GLI2: variants seen among roughly 807,000 people sequenced by gnomAD.
The protein encoded by GLI2 is transcription activator GLI2.
Under a neutral mutation model 78.9 loss-of-function variants are expected in GLI2, and 22 were observed. The ratio of observed to expected loss-of-function variants is 0.28; its 90% CI spans 0.20 to 0.40. The LOEUF (loss-of-function observed/expected upper bound fraction) is 0.40, where lower values mean the gene tolerates loss of function less well. Ranked by LOEUF, GLI2 falls within the 10% of genes least tolerant of loss-of-function variation. The probability of loss-of-function intolerance (pLI) is 1.00; values close to 1 mark genes in which losing one functional copy is unlikely to be tolerated. For missense variants in GLI2, 2,097 were observed against 2,213.2 expected (o/e 0.95, Z 1.05); for synonymous variants, 974 against 963.7 (o/e 1.01, Z -0.20).
chr2:120,898,672 G>A (rs991755399), intron 2 of GLI2, among the ~76,000 whole-genome samples: 1 of 152,104 alleles, frequency 6.6e-6, no homozygotes, highest in Non-Finnish European at 1.5e-5. Flanking sequence ...GGATTCTGTT[G>A]GTTTCTAGTC....
intron 1 of GLI2, among the ~76,000 whole-genome samples, chr2:120,762,055 G>A (rs916664186): frequency 2.0e-5 from 3 of 152,196 alleles, no homozygotes; most frequent in East Asian, 1.9e-4. Flanking sequence ...CCACGGAGCC[G>A]GGCAGTTCTG....
At chr2:120,987,508 A>C (rs1484908366) in intron 13 of GLI2, among the ~76,000 whole-genome samples, 2 of 152,200 alleles carry the variant, frequency 1.3e-5, no homozygotes, top group Admixed American at 1.3e-4. Flanking sequence ...CTGAAGAGCC[A>C]TTGGGGGTCC....
intron 2 of GLI2, among the ~76,000 whole-genome samples, chr2:120,807,917 G>C (rs553459040): frequency 3.9e-5 from 6 of 152,168 alleles, no homozygotes; most frequent in African/African-American, 1.4e-4. Context: ...TGGGCAGGGT[G>C]GGGAGGGAGC....
At position 120,906,835 on chromosome 2, in the gene GLI2, G is replaced by A. The variant is rs1466706211; in HGVS notation, c.149-20526G>A. Among the ~76,000 whole-genome samples, 13 of 152,156 alleles carry A rather than the reference G, an allele frequency of 8.5e-5. No homozygotes were observed. In the South Asian group the frequency reaches 1.0e-3, roughly 12 times the overall value. ...TGACTCGCCCTCCCTGCATCCCCGC[G>A]TGGCAGAGTCCTGCTGGCCCTGCAT... On this transcript the variant is annotated intron_variant, in intron 2 of 13. Coordinates refer to ENST00000361492, the MANE Select transcript of GLI2 (RefSeq NM_001374353.1).
intron 1 of GLI2, among the ~76,000 whole-genome samples, chr2:120,768,254 C>T (rs1186340951): frequency 6.6e-6 from 1 of 152,206 alleles, no homozygotes; most frequent in Non-Finnish European, 1.5e-5. Flanking sequence ...TTCACAGCTG[C>T]CCTATGCGGT....
intron 3 of GLI2, among the ~76,000 whole-genome samples, chr2:120,936,977 C>T (rs1420601697): frequency 6.6e-6 from 1 of 152,182 alleles, no homozygotes; most frequent in African/African-American, 2.4e-5. Flanking sequence ...CTGCAGCCAG[C>T]ACTGATGGTA....
chr2:120,869,833 ACCC>A (rs1207169807), intron 2 of GLI2, among the ~76,000 whole-genome samples: 3 of 151,872 alleles, frequency 2.0e-5, no homozygotes, highest in African/African-American at 7.3e-5. Flanking sequence ...GTCAAAGGAC[ACCC>A]CCTCCTGAGC....
At chr2:120,963,264 A>G (rs949041749) in intron 5 of GLI2, among the ~76,000 whole-genome samples, 1 of 152,202 alleles carries the variant, frequency 6.6e-6, no homozygotes. Flanking sequence ...TTTAGGCACT[A>G]TTCTTGGCAT....
intron 6 of GLI2, 65 bp downstream of exon 6, chr2:120,968,980 G>A (rs1460092619): frequency 2.6e-5 from 34 of 1,323,350 alleles, no homozygotes; most frequent in South Asian, 1.1e-4. Flanking sequence ...GTGGGGAGGC[G>A]CTGGCTTTTC....
intron 1 of GLI2, among the ~76,000 whole-genome samples, chr2:120,775,265 G>A (rs1349884879): frequency 1.3e-5 from 2 of 152,190 alleles, no homozygotes; most frequent in Non-Finnish European, 2.9e-5. Context: ...TGAGATGCAC[G>A]CTGCTTAAGC....
chr2:120,983,629 C>T (rs1174113655), intron 11 of GLI2, among the ~76,000 whole-genome samples: 2 of 152,220 alleles, frequency 1.3e-5, no homozygotes, highest in African/African-American at 4.8e-5. Context: ...GCCTCTGTCT[C>T]CCTGGGTAGG....
At chr2:120,984,835 G>A (rs1573730481) in intron 12 of GLI2, 92 bp downstream of exon 12, 3 of 1,366,528 alleles carry the variant, frequency 2.2e-6, no homozygotes, top group East Asian at 4.7e-5. Flanking sequence ...CTGCCCTAAG[G>A]CCCCCCTCTA....
At chr2:120,796,460 A>G (rs1400292969) in intron 1 of GLI2, among the ~76,000 whole-genome samples, 1 of 152,004 alleles carries the variant, frequency 6.6e-6, no homozygotes, top group Admixed American at 6.6e-5. Context: ...TGATGCCTGC[A>G]CTTCCCTTCT....
rs372563328 is a variant in GLI2, at chr2:120,989,630, C to G, written c.3665C>G (p.Thr1222Ser). 1 of 1,613,320 alleles carries G rather than the reference C, an allele frequency of 6.2e-7. No individual in the cohort carries two copies. The highest frequency in any genetic ancestry group is 8.5e-7 in the Non-Finnish European group (1 of 1,179,964). Reference sequence around the variant, plus strand: ...GGCAGCCAGTGTCCTGGCATGACTACCACTATGAGCCCCCATGCCTGCTAT... The same window carrying G: ...GGCAGCCAGTGTCCTGGCATGACTAGCACTATGAGCCCCCATGCCTGCTAT... Reference protein sequence around the residue: ...VAGSQCPGMTTTMSPHACYGQ... With the variant: ...VAGSQCPGMTSTMSPHACYGQ... Residue 1222 changes from threonine (T) to serine (S), a missense_variant, in exon 14 of 14, where the codon ACC becomes AGC. By Grantham distance (58) the Thr-to-Ser change is moderately conservative (BLOSUM62 1). Around this residue, in one of 5 missense-constraint regions of GLI2, gnomAD observed 1,290 missense variants for 1,261.7 expected, o/e 1.02. Transcript: ENST00000361492.
rs1474680366 is a variant in GLI2 at position 120,988,448 on chromosome 2, G to T, written c.2483G>T (p.Arg828Leu). The change falls in exon 14 of 14, where the codon CGC becomes CTC. Residue 828 changes from arginine (R) to leucine (L), a missense_variant. By Grantham distance (102) the Arg-to-Leu change is moderately radical. Transcript: ENST00000361492. ...SSEASPLGAG[R>L]PHNASSADSY... ...GAGGCCTCGCCCCTGGGCGCCGGCC[G>T]CCCGCACAACGCGAGCTCCGCTGAC... 6.4e-7 allele frequency: 1 copy of T among 1,571,046 alleles called. No homozygotes were observed. The highest frequency in any genetic ancestry group is 1.1e-5 in the South Asian group (1 of 87,242).
intron 2 of GLI2, among the ~76,000 whole-genome samples, chr2:120,887,871 A>G (rs1190611423): frequency 6.6e-6 from 1 of 152,204 alleles, no homozygotes; most frequent in African/African-American, 2.4e-5. Flanking sequence ...GCAGTGCTAG[A>G]TCAATATGAC....
intron 2 of GLI2, among the ~76,000 whole-genome samples, chr2:120,809,563 A>G (rs1429784145): frequency 6.6e-6 from 1 of 151,924 alleles, no homozygotes; most frequent in Non-Finnish European, 1.5e-5. Context: ...GGAGAAAGAA[A>G]GGATAGAAGG....
intron 5 of GLI2, among the ~76,000 whole-genome samples, chr2:120,965,851 G>T (rs192874310): frequency 1.3e-5 from 2 of 152,322 alleles, no homozygotes; most frequent in Non-Finnish European, 2.9e-5. Context: ...GATCCTTCCT[G>T]CTGTAAGAGA....
chr2:120,745,202 G>A (rs1233787911), intron 1 of GLI2, among the ~76,000 whole-genome samples: 6 of 152,172 alleles, frequency 3.9e-5, no homozygotes, highest in Admixed American at 2.6e-4. Flanking sequence ...TTAACATGTT[G>A]GTTTATGTGC....
Sources: gnomAD v4.1 joint callset for allele counts (sites outside exome capture counted in the v4.1 genomes callset) on GRCh38, gnomAD v4.1.1 for gene constraint, gnomAD v4.1.1 regional missense constraint, MANE v1.5 for transcripts, NCBI Gene and HGNC (gene_info 2026-07-23, HGNC 2026-07-21) for gene names.